EIF4G3: variants seen among roughly 807,000 people sequenced by gnomAD.
The protein encoded by EIF4G3 is eIF-4-gamma 3.
A neutral mutation model predicts 186.4 loss-of-function variants in EIF4G3; 34 were observed. The observed-to-expected ratio is 0.18, with a 90% confidence interval of 0.14 to 0.24. The LOEUF is 0.24. Ranked by LOEUF, EIF4G3 falls within the 10% of genes least tolerant of loss-of-function variation. The probability of loss-of-function intolerance (pLI) is 1.00; values close to 1 mark genes in which losing one functional copy is unlikely to be tolerated. For synonymous variants in EIF4G3, 673 were observed against 679.5 expected (o/e 0.99, Z 0.15); for missense variants, 1,536 against 1,948.5 (o/e 0.79, Z 3.99).
At chr1:20,933,639 G>C (rs973602280) in intron 14 of EIF4G3, among the ~76,000 whole-genome samples, 2 of 152,062 alleles carry the variant, frequency 1.3e-5, no homozygotes, top group Admixed American at 1.3e-4. Flanking sequence ...CTGGGCAACA[G>C]AGTGAGACTC....
chr1:20,876,814 T>G (rs1199955626), intron 20 of EIF4G3, among the ~76,000 whole-genome samples: 1 of 151,898 alleles, frequency 6.6e-6, no homozygotes, highest in African/African-American at 2.4e-5. Flanking sequence ...TCTGGGCAAA[T>G]AGTAAGACCT....
At chr1:20,856,080 G>T (rs1445826639) in intron 25 of EIF4G3, among the ~76,000 whole-genome samples, 1 of 152,080 alleles carries the variant, frequency 6.6e-6, no homozygotes, top group Non-Finnish European at 1.5e-5. Context: ...AATGGAGATG[G>T]GTAAGACTCA....
At chr1:20,925,571 C>T (rs80293314) in intron 14 of EIF4G3, among the ~76,000 whole-genome samples, 1,940 of 152,290 alleles carry the variant, frequency 0.013, 21 homozygotes, top group East Asian at 0.022. Flanking sequence ...TCTTGCTATG[C>T]TGCCCAAGTT....
Position 20,829,285 on chromosome 1 carries a change from A to G in EIF4G3, c.4062-13T>C, listed in dbSNP as rs1571230491. On this transcript the variant is annotated splice_polypyrimidine_tract_variant and intron_variant, in intron 30 of 36. Coordinates refer to ENST00000602326, the MANE Select transcript of EIF4G3 (RefSeq NM_001391906.1). ...AGTTTCTGAAAAACTGAAAAGGAACAGGGGGTAAAAATCACATGCAAATGT... is the reference window on the plus strand; with the variant it reads ...AGTTTCTGAAAAACTGAAAAGGAACGGGGGGTAAAAATCACATGCAAATGT... 6.2e-7 allele frequency: 1 copy of G among 1,608,634 alleles called. No homozygotes were observed. Among genetic ancestry groups the G allele is most frequent in the Non-Finnish European group, 8.5e-7 (1 of 1,178,678 alleles).
intron 2 of EIF4G3, among the ~76,000 whole-genome samples, chr1:21,110,362 C>T (rs551772162): frequency 2.0e-5 from 3 of 151,706 alleles, no homozygotes; most frequent in Non-Finnish European, 4.4e-5. Context: ...GTGACGCAAT[C>T]GCGGCTCACT....
At chr1:20,924,339 ACAT>A (rs1229892049) in intron 14 of EIF4G3, among the ~76,000 whole-genome samples, 13 of 152,318 alleles carry the variant, frequency 8.5e-5, no homozygotes, top group African/African-American at 2.4e-4. Context: ...TCTAATGAAA[ACAT>A]CATGATACAA....
chr1:20,876,147 CA>C (rs773550986), intron 20 of EIF4G3, among the ~76,000 whole-genome samples: 2 of 145,216 alleles, frequency 1.4e-5, no homozygotes, highest in South Asian at 2.2e-4. Flanking sequence ...TGCTTGGACC[CA>C]GGAGTTTGAA....
chr1:21,045,203 T>A (rs1349138151), intron 4 of EIF4G3, among the ~76,000 whole-genome samples: 1 of 152,080 alleles, frequency 6.6e-6, no homozygotes, highest in African/African-American at 2.4e-5. Context: ...CACAGAGAAA[T>A]TCTCCTTAGT....
chr1:20,813,336 G>T, intron 34 of EIF4G3, 97 bp from the exon 35 acceptor site: 1 of 733,294 alleles, frequency 1.4e-6, no homozygotes, highest in East Asian at 3.1e-5. Context: ...GGCCGAGACA[G>T]GAGGATCACT....
chr1:20,986,743 C>CAAA (rs2079579605), intron 7 of EIF4G3, among the ~76,000 whole-genome samples: 1 of 8,700 alleles, frequency 1.1e-4, no homozygotes, highest in Non-Finnish European at 2.5e-4. Context: ...AGCTCTGTCT[C>CAAA]CAAAAAAAAA....
intron 19 of EIF4G3, among the ~76,000 whole-genome samples, chr1:20,880,346 T>C (rs577504221): frequency 9.8e-5 from 15 of 152,330 alleles, no homozygotes; most frequent in African/African-American, 3.4e-4. Flanking sequence ...TAGGATACAA[T>C]GTCAAAATGC....
intron 12 of EIF4G3, among the ~76,000 whole-genome samples, chr1:20,968,481 T>C (rs1488569044): frequency 5.3e-5 from 8 of 152,126 alleles, no homozygotes; most frequent in African/African-American, 1.9e-4. Flanking sequence ...GCGCCCGGCC[T>C]TGAAATACAA....
chr1:20,987,157 G>A (rs1228237414), intron 7 of EIF4G3, among the ~76,000 whole-genome samples: 3 of 152,090 alleles, frequency 2.0e-5, no homozygotes, highest in African/African-American at 4.8e-5. Flanking sequence ...CATCAAAAAC[G>A]TCTAACAAAT....
chr1:21,014,659 G>A (rs1377709197), intron 4 of EIF4G3, among the ~76,000 whole-genome samples: 1 of 141,640 alleles, frequency 7.1e-6, no homozygotes, highest in Admixed American at 7.1e-5. Flanking sequence ...TTTTGGTATG[G>A]AGTCCTATGC....
At chr1:21,094,706 CACATGTAT>C (rs1263349153) in intron 2 of EIF4G3, among the ~76,000 whole-genome samples, 1 of 150,018 alleles carries the variant, frequency 6.7e-6, no homozygotes, top group Non-Finnish European at 1.5e-5. Context: ...ACCAACATGG[CACATGTAT>C]ACATATGTAA....
intron 30 of EIF4G3, among the ~76,000 whole-genome samples, chr1:20,835,734 G>T (rs192157077): frequency 2.0e-5 from 3 of 152,050 alleles, no homozygotes; most frequent in African/African-American, 7.2e-5. Context: ...GTCTAGGAGT[G>T]CAAGACCAGC....
intron 18 of EIF4G3, 90 bp downstream of exon 18, chr1:20,893,427 G>T (rs570081429): frequency 3.0e-6 from 4 of 1,338,718 alleles, no homozygotes; most frequent in Non-Finnish European, 3.0e-6. Context: ...TAGAATCAAC[G>T]AATAAAAGCT....
intron 2 of EIF4G3, among the ~76,000 whole-genome samples, chr1:21,108,916 A>C (rs1457529725): frequency 2.8e-5 from 4 of 141,254 alleles, no homozygotes; most frequent in East Asian, 2.1e-4. Context: ...AAAAAAAAAA[A>C]AAAAAAAAAC....
chr1:21,170,075 T>C (rs2097925180), intron 2 of EIF4G3, among the ~76,000 whole-genome samples: 1 of 152,104 alleles, frequency 6.6e-6, no homozygotes, highest in Non-Finnish European at 1.5e-5. Context: ...CTCTAGAGGC[T>C]GAGGCAGGAG....
Sources: allele counts gnomAD v4.1 joint callset (sites outside exome capture counted in the v4.1 genomes callset), GRCh38; gene constraint gnomAD v4.1.1; transcripts MANE v1.5; gene names NCBI Gene and HGNC (gene_info 2026-07-23, HGNC 2026-07-21).